Variants in CCDC57 observed in about 807,000 individuals in gnomAD.
The protein encoded by CCDC57 is coiled-coil domain-containing protein 57.
Under a neutral mutation model 118.9 loss-of-function variants are expected in CCDC57, and 118 were observed. The ratio of observed to expected loss-of-function variants is 0.99; its 90% CI spans 0.86 to 1.16. The LOEUF is 1.16. CCDC57 is among the 50% of genes most tolerant of loss of function. CCDC57 has a pLI of 0.00. For synonymous variants in CCDC57, 527 were observed against 532.9 expected (o/e 0.99, Z 0.15); for missense variants, 1,300 against 1,320.7 (o/e 0.98, Z 0.24).
At chr17:82,179,675 G>T (rs1372605765) in intron 9 of CCDC57, among the ~76,000 whole-genome samples, 1 of 152,084 alleles carries the variant, frequency 6.6e-6, no homozygotes, top group African/African-American at 2.4e-5. Context: ...GGGACAGAGG[G>T]GTGGGAACGC....
chr17:82,203,995 G>C (rs895627390), intron 2 of CCDC57, among the ~76,000 whole-genome samples: 1 of 152,206 alleles, frequency 6.6e-6, no homozygotes, highest in African/African-American at 2.4e-5. Context: ...CGAAGCACAA[G>C]GAGGAGGTGG....
At chr17:82,152,126 C>T (rs1337912516) in intron 15 of CCDC57, 1 of 292,784 alleles carries the variant, frequency 3.4e-6, no homozygotes, top group Admixed American at 5.0e-5. Flanking sequence ...GGACACCCAA[C>T]CAGCACAGCA....
At chr17:82,183,887 T>A (rs753560522) in exon 9 of CCDC57, 3 of 1,613,696 alleles carry the variant, frequency 1.9e-6, no homozygotes, top group Admixed American at 3.3e-5. Flanking sequence ...GTTGAGCAAT[T>A]TGAGCATCCC....
At chr17:82,183,969 C>A in intron 8 of CCDC57, 37 bp from the exon 8 acceptor site, 1 of 1,581,406 alleles carries the variant, frequency 6.3e-7, no homozygotes, top group South Asian at 1.1e-5. Context: ...ATGTGGTTCT[C>A]ACTCACTAAA....
intron 13 of CCDC57, among the ~76,000 whole-genome samples, chr17:82,165,679 G>A (rs2043903254): frequency 6.6e-6 from 1 of 152,162 alleles, no homozygotes; most frequent in Admixed American, 6.5e-5. Context: ...GGAGGTCTGC[G>A]TGAAGACCCC....
At chr17:82,206,303 C>A (rs1312401573) in intron 2 of CCDC57, among the ~76,000 whole-genome samples, 1 of 152,242 alleles carries the variant, frequency 6.6e-6, no homozygotes, top group African/African-American at 2.4e-5. Flanking sequence ...AATGACACAT[C>A]ATGGTTTTCT....
chr17:82,175,258 G>A (rs1272712924), intron 11 of CCDC57, among the ~76,000 whole-genome samples: 1 of 152,250 alleles, frequency 6.6e-6, no homozygotes, highest in East Asian at 1.9e-4. Context: ...GTTACAGAGC[G>A]GGATACCGAG....
chr17:82,104,314 C>T (rs2034687658), intron 19 of CCDC57, among the ~76,000 whole-genome samples: 1 of 152,244 alleles, frequency 6.6e-6, no homozygotes, highest in East Asian at 1.9e-4. Flanking sequence ...TTGGGTCCTG[C>T]ACCCCTCCCC....
chr17:82,149,444 C>T (rs1301894968), intron 16 of CCDC57, among the ~76,000 whole-genome samples: 1 of 152,100 alleles, frequency 6.6e-6, no homozygotes, highest in Non-Finnish European at 1.5e-5. Flanking sequence ...CCAGCCTCCA[C>T]CTCAGTCAGG....
At chr17:82,160,956 A>G (rs895684842) in intron 14 of CCDC57, among the ~76,000 whole-genome samples, 1 of 152,052 alleles carries the variant, frequency 6.6e-6, no homozygotes, top group Non-Finnish European at 1.5e-5. Flanking sequence ...TCATATATCT[A>G]ATAAGGGACT....
At chr17:82,182,652 C>T (rs962868098) in intron 9 of CCDC57, among the ~76,000 whole-genome samples, 1 of 151,080 alleles carries the variant, frequency 6.6e-6, no homozygotes, top group Non-Finnish European at 1.5e-5. Flanking sequence ...CCGCGCCCGG[C>T]CCACCAAACA....
intron 13 of CCDC57, among the ~76,000 whole-genome samples, chr17:82,168,783 C>T (rs1215296105): frequency 8.9e-6 from 1 of 112,812 alleles, no homozygotes; most frequent in Admixed American, 1.0e-4. Context: ...ATATAAGGGT[C>T]AATTATCCTA....
At chr17:82,164,057 T>C (rs906407632) in intron 13 of CCDC57, among the ~76,000 whole-genome samples, 1 of 148,452 alleles carries the variant, frequency 6.7e-6, no homozygotes, top group Non-Finnish European at 1.5e-5. Context: ...CACAGAAAAA[T>C]AAATTTAAAA....
At chr17:82,179,747 C>G (rs1428788058) in intron 9 of CCDC57, among the ~76,000 whole-genome samples, 1 of 152,128 alleles carries the variant, frequency 6.6e-6, no homozygotes, top group Non-Finnish European at 1.5e-5. Flanking sequence ...GAGGAAACCA[C>G]CAAGGATGTA....
At chr17:82,178,866 C>T (rs571259545) in intron 10 of CCDC57, among the ~76,000 whole-genome samples, 161 bp downstream of exon 9, 57 of 152,328 alleles carry the variant, frequency 3.7e-4, no homozygotes, top group African/African-American at 8.2e-4. Flanking sequence ...GGTGGACAGG[C>T]GGGGTGCATT....
intron 4 of CCDC57, 115 bp from the exon 4 acceptor site, chr17:82,195,479 G>A (rs939811822): frequency 2.0e-5 from 16 of 780,624 alleles, no homozygotes; most frequent in Non-Finnish European, 3.3e-5. Flanking sequence ...AACAGAGAAG[G>A]ACCACACACA....
At chr17:82,193,634 T>C (rs950677492) in intron 7 of CCDC57, 122 bp downstream of exon 6, 10 of 729,220 alleles carry the variant, frequency 1.4e-5, no homozygotes, top group Non-Finnish European at 2.3e-5. Flanking sequence ...AACAGCGGGC[T>C]CCCAGGTCCG....
intron 19 of CCDC57, among the ~76,000 whole-genome samples, chr17:82,121,073 T>C (rs1178796685): frequency 6.6e-6 from 1 of 152,066 alleles, no homozygotes; most frequent in African/African-American, 2.4e-5. Context: ...GCTTTTTAAT[T>C]GCAACACCGA....
intron 8 of CCDC57, among the ~76,000 whole-genome samples, chr17:82,186,556 C>A (rs1388496168): frequency 6.6e-6 from 1 of 152,188 alleles, no homozygotes; most frequent in African/African-American, 2.4e-5. Context: ...ACACAGCATG[C>A]TGAATCTAGA....
Sources: allele counts gnomAD v4.1 joint callset (sites outside exome capture counted in the v4.1 genomes callset), GRCh38; gene constraint gnomAD v4.1.1; transcripts MANE v1.5; gene names NCBI Gene and HGNC (gene_info 2026-07-23, HGNC 2026-07-21).